The following GRIP1 variants were observed in gnomAD, a reference collection of about 807,000 sequenced individuals.
GRIP1 encodes the protein glutamate receptor interacting protein 1.
Under a neutral mutation model 129.9 loss-of-function variants are expected in GRIP1, and 45 were observed. That is an observed-to-expected ratio of 0.35 (90% confidence interval 0.27 to 0.44). The LOEUF (loss-of-function observed/expected upper bound fraction) is 0.44. Ranked by LOEUF, GRIP1 falls within the 20% of genes least tolerant of loss-of-function variation. GRIP1 has a pLI of 1.00. For missense variants in GRIP1, 1,196 were observed against 1,396.8 expected (o/e 0.86, Z 2.29); for synonymous variants, 530 against 520.8 (o/e 1.02, Z -0.24).
chr12:66,600,818 C>T (rs2064243625), intron 1 of GRIP1, among the ~76,000 whole-genome samples: 1 of 152,216 alleles, frequency 6.6e-6, no homozygotes, highest in African/African-American at 2.4e-5. Flanking sequence ...CTAAAAGTCA[C>T]TACGGGGCAA....
At chr12:66,879,708 T>C (rs1162752825) in intron 1 of GRIP1, among the ~76,000 whole-genome samples, 2 of 152,182 alleles carry the variant, frequency 1.3e-5, no homozygotes, top group African/African-American at 4.8e-5. Context: ...GATTCATTCA[T>C]TCACTCCTTA....
At chr12:66,380,667 T>C (rs1021361877) in intron 19 of GRIP1, among the ~76,000 whole-genome samples, 1 of 152,238 alleles carries the variant, frequency 6.6e-6, no homozygotes, top group African/African-American at 2.4e-5. Context: ...AGTATTTACA[T>C]TTTGTGAGAA....
At chr12:67,049,602 C>T (rs756276028) in intron 1 of GRIP1, among the ~76,000 whole-genome samples, 11 of 152,052 alleles carry the variant, frequency 7.2e-5, no homozygotes, top group East Asian at 1.9e-4. Flanking sequence ...AGGACAAATG[C>T]CTTATGCAAA....
At chr12:66,785,331 C>CATATAT (rs1180271589) in intron 1 of GRIP1, among the ~76,000 whole-genome samples, 12 of 35,042 alleles carry the variant, frequency 3.4e-4, no homozygotes, top group African/African-American at 8.1e-4. Flanking sequence ...TACATACATA[C>CATATAT]ATACATACAT....
At chr12:66,842,471 T>G (rs2039737216) in intron 1 of GRIP1, among the ~76,000 whole-genome samples, 1 of 152,200 alleles carries the variant, frequency 6.6e-6, no homozygotes, top group Admixed American at 6.6e-5. Context: ...TGCCTCAGTT[T>G]CCTTTGGGTG....
At chr12:66,578,493 C>T (rs2063229920) in intron 2 of GRIP1, among the ~76,000 whole-genome samples, 1 of 152,154 alleles carries the variant, frequency 6.6e-6, no homozygotes, top group African/African-American at 2.4e-5. Context: ...CAGGGAGTTC[C>T]CTTTCCTAGT....
At chr12:66,738,709 T>G (rs778587348) in intron 1 of GRIP1, among the ~76,000 whole-genome samples, 53 of 152,104 alleles carry the variant, frequency 3.5e-4, no homozygotes, top group Non-Finnish European at 7.5e-4. Context: ...CAGGGGACAG[T>G]TGATGGGGGC....
At chr12:67,034,277 G>GA (rs755680814) in intron 1 of GRIP1, among the ~76,000 whole-genome samples, 1 of 152,140 alleles carries the variant, frequency 6.6e-6, no homozygotes, top group African/African-American at 2.4e-5. Context: ...TTCCTGTACT[G>GA]AAACTCACCA....
rs377407095 is a variant in GRIP1 at position 66,584,729 on chromosome 12, GA to G, written c.136+12117del. On this transcript the variant is annotated intron_variant, in intron 2 of 24. Transcript: ENST00000359742. ...AGGAGGCAGGGTTTGTAAGAAGGAA[GA>G]GGGGTCTATTAGTTAGCGCTATACT... is the stretch of plus-strand genomic sequence containing the variant. Among the ~76,000 whole-genome samples the G allele has an allele frequency of 4.2e-4, 62 of 147,990 alleles. 1 individual carries two copies. The highest frequency in any genetic ancestry group is 1.6e-3 in the African/African-American group (60 of 37,494).
intron 7 of GRIP1, among the ~76,000 whole-genome samples, chr12:66,472,465 GC>G (rs1382330845): frequency 7.2e-5 from 11 of 151,982 alleles, no homozygotes; most frequent in Admixed American, 2.0e-4. Flanking sequence ...CTCTCTTCCT[GC>G]CCAATGAAAT....
At chr12:66,718,631 A>G (rs1339080164) in intron 1 of GRIP1, among the ~76,000 whole-genome samples, 1 of 152,048 alleles carries the variant, frequency 6.6e-6, no homozygotes, top group Non-Finnish European at 1.5e-5. Flanking sequence ...TGGGTGGATC[A>G]TCTGAGGTCA....
chr12:66,348,696 T>C lies in GRIP1; in HGVS notation c.*323A>G, dbSNP rs1015043756. 2.3e-5 allele frequency: 7 copies of C among 308,596 alleles called. No homozygotes were observed. The highest frequency in any genetic ancestry group is 3.0e-5 in the Non-Finnish European group (5 of 164,924). 19.1% of individuals were successfully genotyped at this position (308,596 alleles called of 1,614,324 possible). A position where few individuals can be genotyped will look rare whatever the true frequency, so the allele number is the denominator to read the frequency against. ...GAATATTTTCAAACAGATGTTTCTCTTTTTAAAAAGTGATAGTAAGATGAA... is the reference window on the plus strand; with the variant it reads ...GAATATTTTCAAACAGATGTTTCTCCTTTTAAAAAGTGATAGTAAGATGAA... On this transcript the variant is annotated 3_prime_UTR_variant, in exon 25 of 25. Transcript: ENST00000359742.
chr12:66,857,809 T>C (rs772450995), intron 1 of GRIP1, among the ~76,000 whole-genome samples: 20 of 151,896 alleles, frequency 1.3e-4, no homozygotes, highest in Admixed American at 7.2e-4. Flanking sequence ...GGAAAAGAGA[T>C]GTGATCAGTG....
At chr12:66,943,990 A>G (rs1021886568) in intron 1 of GRIP1, among the ~76,000 whole-genome samples, 8 of 152,120 alleles carry the variant, frequency 5.3e-5, no homozygotes, top group African/African-American at 1.9e-4. Flanking sequence ...CTAATCTTTC[A>G]CCGATGTCCT....
At chr12:66,951,054 G>A (rs1437238813) in intron 1 of GRIP1, among the ~76,000 whole-genome samples, 1 of 152,054 alleles carries the variant, frequency 6.6e-6, no homozygotes, top group Non-Finnish European at 1.5e-5. Context: ...GCAATGGAAG[G>A]AAAACAATGA....
At chr12:66,566,885 A>G (rs1367855794) in intron 2 of GRIP1, among the ~76,000 whole-genome samples, 1 of 152,078 alleles carries the variant, frequency 6.6e-6, no homozygotes, top group Non-Finnish European at 1.5e-5. Flanking sequence ...CGAGGAATTT[A>G]CCCATTTCTT....
intron 1 of GRIP1, among the ~76,000 whole-genome samples, chr12:66,951,126 C>T (rs2041749972): frequency 1.3e-5 from 2 of 152,284 alleles, no homozygotes; most frequent in South Asian, 4.1e-4. Flanking sequence ...ATCAAATAAA[C>T]TTATAAATAA....
At chr12:66,816,505 G>A (rs1258918409) in intron 1 of GRIP1, among the ~76,000 whole-genome samples, 2 of 152,046 alleles carry the variant, frequency 1.3e-5, no homozygotes, top group Non-Finnish European at 2.9e-5. Context: ...TCATTTTACA[G>A]GTGCTGATAT....
At chr12:66,874,895 T>C (rs185195723) in intron 1 of GRIP1, among the ~76,000 whole-genome samples, 2 of 152,026 alleles carry the variant, frequency 1.3e-5, no homozygotes, top group Admixed American at 1.3e-4. Context: ...TGTTAAACTC[T>C]TTCTAAAATT....
Sources: allele counts gnomAD v4.1 joint callset (sites outside exome capture counted in the v4.1 genomes callset), GRCh38; gene constraint gnomAD v4.1.1; transcripts MANE v1.5; gene names NCBI Gene and HGNC (gene_info 2026-07-23, HGNC 2026-07-21).